The following CNTNAP5 variants were observed in gnomAD, a reference collection of about 807,000 sequenced individuals.
The protein encoded by CNTNAP5 is contactin associated protein family member 5, also known as contactin-associated protein-like 5.
Under a neutral mutation model 150.2 loss-of-function variants are expected in CNTNAP5, and 72 were observed. The observed-to-expected ratio is 0.48, with a 90% CI of 0.40 to 0.58. The LOEUF (loss-of-function observed/expected upper bound fraction) is 0.58. Ranked by LOEUF, CNTNAP5 falls within the 20% of genes least tolerant of loss-of-function variation. The pLI is 0.00. For synonymous variants in CNTNAP5, 672 were observed against 619.8 expected (o/e 1.08, Z -1.25); for missense variants, 1,636 against 1,626.2 (o/e 1.01, Z -0.10).
At chr2:124,853,915 T>A (rs1275458455) in intron 19 of CNTNAP5, among the ~76,000 whole-genome samples, 1 of 152,202 alleles carries the variant, frequency 6.6e-6, no homozygotes, top group African/African-American at 2.4e-5. Flanking sequence ...GGTATTTGGT[T>A]TTCTGTTCCT....
At chr2:124,488,182 A>T (rs1011550680) in intron 7 of CNTNAP5, among the ~76,000 whole-genome samples, 1 of 152,218 alleles carries the variant, frequency 6.6e-6, no homozygotes, top group African/African-American at 2.4e-5. Flanking sequence ...CATAAATACT[A>T]TACAGGTATA....
intron 3 of CNTNAP5, among the ~76,000 whole-genome samples, chr2:124,369,348 G>A (rs1690459967): frequency 6.6e-6 from 1 of 151,564 alleles, no homozygotes; most frequent in Non-Finnish European, 1.5e-5. Flanking sequence ...CAATTATGTG[G>A]TTTTAGCTGA....
At chr2:124,692,273 T>G (rs539954289) in intron 13 of CNTNAP5, among the ~76,000 whole-genome samples, 1 of 152,290 alleles carries the variant, frequency 6.6e-6, no homozygotes, top group African/African-American at 2.4e-5. Flanking sequence ...ATAGCTCATG[T>G]GGCCCACTGT....
intron 3 of CNTNAP5, among the ~76,000 whole-genome samples, chr2:124,259,302 G>A (rs571628115): frequency 6.6e-6 from 1 of 152,182 alleles, no homozygotes; most frequent in Admixed American, 6.5e-5. Flanking sequence ...ATTGTGAGTA[G>A]TGCCGCAATA....
intron 2 of CNTNAP5, among the ~76,000 whole-genome samples, chr2:124,235,932 A>G (rs1414119984): frequency 6.8e-6 from 1 of 147,474 alleles, no homozygotes; most frequent in East Asian, 2.0e-4. Context: ...TGTGTTGGCA[A>G]GTTCCCACTT....
chr2:124,905,258 G>C (rs1316668154), intron 22 of CNTNAP5, among the ~76,000 whole-genome samples: 24 of 150,946 alleles, frequency 1.6e-4, no homozygotes, highest in Non-Finnish European at 7.4e-5. Context: ...ATAATATGAT[G>C]GTTAGTATCA....
At chr2:124,239,563 A>T (rs1686834863) in intron 2 of CNTNAP5, among the ~76,000 whole-genome samples, 1 of 152,162 alleles carries the variant, frequency 6.6e-6, no homozygotes, top group African/African-American at 2.4e-5. Flanking sequence ...AATGTTGATA[A>T]GGGAAACTAT....
intron 19 of CNTNAP5, among the ~76,000 whole-genome samples, chr2:124,841,886 C>A (rs1352035632): frequency 6.6e-6 from 1 of 151,980 alleles, no homozygotes; most frequent in African/African-American, 2.4e-5. Context: ...GGTAACAAAC[C>A]ACAAATCGTG....
intron 2 of CNTNAP5, among the ~76,000 whole-genome samples, chr2:124,239,174 C>T (rs1686823257): frequency 6.7e-6 from 1 of 149,298 alleles, no homozygotes; most frequent in Non-Finnish European, 1.5e-5. Flanking sequence ...AACTTTAATG[C>T]TAAATCATTC....
At chr2:124,151,306 G>A (rs547950829) in intron 1 of CNTNAP5, among the ~76,000 whole-genome samples, 15 of 152,194 alleles carry the variant, frequency 9.9e-5, no homozygotes, top group South Asian at 2.1e-4. Flanking sequence ...AGAGATGAAC[G>A]CATTGGTCCC....
chr2:124,357,119 T>G (rs1309845900), intron 3 of CNTNAP5, among the ~76,000 whole-genome samples: 3 of 152,116 alleles, frequency 2.0e-5, no homozygotes, highest in Non-Finnish European at 4.4e-5. Flanking sequence ...GAGAAGTGTC[T>G]GTTCATGTCC....
intron 13 of CNTNAP5, among the ~76,000 whole-genome samples, chr2:124,665,688 C>T (rs896182705): frequency 4.6e-5 from 7 of 152,010 alleles, no homozygotes; most frequent in African/African-American, 1.7e-4. Flanking sequence ...AGATCGAGAC[C>T]ATCCTGGCTA....
At chr2:124,876,772 T>C (rs1677869317) in intron 21 of CNTNAP5, among the ~76,000 whole-genome samples, 1 of 152,086 alleles carries the variant, frequency 6.6e-6, no homozygotes, top group Non-Finnish European at 1.5e-5. Flanking sequence ...TTTTTCAGAC[T>C]CAAATCCTCA....
At chr2:124,423,280 G>A (rs937376486) in intron 4 of CNTNAP5, among the ~76,000 whole-genome samples, 7 of 152,160 alleles carry the variant, frequency 4.6e-5, no homozygotes, top group South Asian at 2.1e-4. Flanking sequence ...TACAAGCATC[G>A]TTACCTTCGT....
At chr2:124,732,672 C>T (rs1225609667) in intron 13 of CNTNAP5, among the ~76,000 whole-genome samples, 1 of 152,004 alleles carries the variant, frequency 6.6e-6, no homozygotes, top group Non-Finnish European at 1.5e-5. Flanking sequence ...TATAGCCGGC[C>T]AAATAGACCA....
intron 13 of CNTNAP5, among the ~76,000 whole-genome samples, chr2:124,722,874 A>G (rs1449531781): frequency 2.0e-5 from 3 of 152,162 alleles, no homozygotes; most frequent in Non-Finnish European, 4.4e-5. Context: ...ATCCTGCCAC[A>G]TCCCAGAAGT....
intron 1 of CNTNAP5, among the ~76,000 whole-genome samples, chr2:124,101,842 T>C (rs1683069176): frequency 1.3e-5 from 2 of 152,202 alleles, no homozygotes; most frequent in Admixed American, 1.3e-4. Context: ...TGATCACTTA[T>C]TTCAGGCATT....
intron 12 of CNTNAP5, among the ~76,000 whole-genome samples, chr2:124,647,416 T>C (rs1332762519): frequency 6.6e-6 from 1 of 152,152 alleles, no homozygotes; most frequent in African/African-American, 2.4e-5. Context: ...GGATATTGGG[T>C]GAGTTGCCTA....
chr2:124,602,021 G>A (rs115834842), intron 11 of CNTNAP5, among the ~76,000 whole-genome samples: 4,189 of 152,252 alleles, frequency 0.028, 64 homozygotes, highest in African/African-American at 0.04. Flanking sequence ...AGATACTTTT[G>A]ATTTTCAAAC....
Sources: allele counts gnomAD v4.1 joint callset (sites outside exome capture counted in the v4.1 genomes callset), GRCh38; gene constraint gnomAD v4.1.1; transcripts MANE v1.5; gene names NCBI Gene and HGNC (gene_info 2026-07-23, HGNC 2026-07-21).